CYRIB: variants seen among roughly 807,000 people sequenced by gnomAD.
The protein encoded by CYRIB is CYFIP-related Rac1 interactor B.
In CYRIB, 8 loss-of-function variants were observed where a neutral mutation model predicts 44.2. The observed-to-expected ratio is 0.18, with a 90% confidence interval of 0.11 to 0.33. The LOEUF is 0.33. Ranked by LOEUF, CYRIB falls within the 10% of genes least tolerant of loss-of-function variation. The pLI, the probability that CYRIB is intolerant of heterozygous loss-of-function variation, is 1.00. For synonymous variants in CYRIB, 131 were observed against 127.2 expected, an observed-to-expected ratio of 1.03 and a Z score of -0.20; for missense variants, 185 against 382.8, an observed-to-expected ratio of 0.48 and a Z score of 4.31.
rs111924456 is a variant in CYRIB, at chr8:129,902,668, G to A, written c.-11+644C>T. On this transcript the variant is annotated intron_variant, in intron 2 of 11. Transcript: ENST00000519824. ...AGCTAGTTTTGAAAAAATATACTCT[G>A]TTTATAACTAAGAAGAACACGGAAA... 6.7e-3 allele frequency among the ~76,000 whole-genome samples: 1,022 copies of A among 152,210 alleles called. 13 individuals are homozygous for A. The highest frequency in any genetic ancestry group is 0.024 in the African/African-American group (977 of 41,542).
intron 1 of CYRIB, among the ~76,000 whole-genome samples, chr8:129,911,724 T>C (rs1449211032): frequency 6.6e-6 from 1 of 152,124 alleles, no homozygotes; most frequent in Non-Finnish European, 1.5e-5. Flanking sequence ...GCAATAATGC[T>C]GTTTTCAATT....
chr8:129,937,214 A>G (rs911907187), intron 1 of CYRIB, among the ~76,000 whole-genome samples: 30 of 152,358 alleles, frequency 2.0e-4, no homozygotes, highest in African/African-American at 5.5e-4. Flanking sequence ...GTGTAGTTAC[A>G]GAAAAGAAGA....
intron 2 of CYRIB, among the ~76,000 whole-genome samples, chr8:129,892,065 AG>A (rs1459943345): frequency 6.6e-6 from 1 of 152,148 alleles, no homozygotes; most frequent in Non-Finnish European, 1.5e-5. Context: ...CTATTACAGG[AG>A]GTAGGAAAAG....
rs1277882278 is a variant in CYRIB, at chr8:129,913,340, T to C, written c.-49-9990A>G. Among the ~76,000 whole-genome samples the C allele has an allele frequency of 4.6e-5, 7 of 152,344 alleles. 1 individual carries two copies. The highest frequency in any genetic ancestry group is 3.3e-4 in the Admixed American group (5 of 15,300). On this transcript the variant is annotated intron_variant, in intron 1 of 11. Coordinates refer to ENST00000519824, the Ensembl canonical transcript of CYRIB. The stretch of plus-strand genomic sequence containing the variant: ...ATAAACCTTGTCTTTCCCCACAGTG[T>C]TGTAATTACAGTAAAAGCTTTTCCA...
At chr8:129,984,804 C>T (rs891274881) in intron 1 of CYRIB, among the ~76,000 whole-genome samples, 5 of 152,086 alleles carry the variant, frequency 3.3e-5, no homozygotes, top group African/African-American at 9.6e-5. Context: ...GAGACAGTTT[C>T]GCTCTTGTTG....
chr8:129,840,221 G>C (rs943031744), exon 12 of CYRIB: 1 of 154,042 alleles, frequency 6.5e-6, no homozygotes, highest in African/African-American at 2.4e-5. Context: ...GGTAGGGTTG[G>C]TTCCTTCTCG....
chr8:129,891,842 A>T (rs562380070), intron 2 of CYRIB, among the ~76,000 whole-genome samples: 1 of 152,156 alleles, frequency 6.6e-6, no homozygotes, highest in Non-Finnish European at 1.5e-5. Flanking sequence ...ATACACTTAG[A>T]CTTCATATTA....
At chr8:129,973,218 G>A (rs2095787031) in intron 1 of CYRIB, among the ~76,000 whole-genome samples, 1 of 152,250 alleles carries the variant, frequency 6.6e-6, no homozygotes, top group South Asian at 2.1e-4. Context: ...GCAGGGGATG[G>A]AAAGTGATGG....
At chr8:129,936,228 C>T (rs541492604) in intron 1 of CYRIB, among the ~76,000 whole-genome samples, 2 of 152,288 alleles carry the variant, frequency 1.3e-5, no homozygotes, top group South Asian at 2.1e-4. Flanking sequence ...CAGTCTTCAA[C>T]GTCTCCCACT....
At chr8:129,894,739 CTTATT>C (rs547607751) in intron 2 of CYRIB, among the ~76,000 whole-genome samples, 10 of 152,124 alleles carry the variant, frequency 6.6e-5, no homozygotes, top group Middle Eastern at 3.4e-3. Flanking sequence ...ATCATAATTT[CTTATT>C]TTATTTTTGC....
At chr8:129,987,343 C>T (rs912520433) in intron 1 of CYRIB, among the ~76,000 whole-genome samples, 6 of 152,080 alleles carry the variant, frequency 3.9e-5, no homozygotes, top group Non-Finnish European at 7.4e-5. Context: ...CAATGTTCTG[C>T]GGGTTAATGA....
intron 1 of CYRIB, among the ~76,000 whole-genome samples, chr8:129,922,245 A>G (rs1296062644): frequency 6.6e-6 from 1 of 152,160 alleles, no homozygotes; most frequent in Non-Finnish European, 1.5e-5. Flanking sequence ...CAAATTACCT[A>G]GTCAGTTTCT....
intron 11 of CYRIB, 74 bp from the exon 14 acceptor site, chr8:129,842,279 C>T: frequency 9.4e-7 from 1 of 1,059,696 alleles, no homozygotes; most frequent in South Asian, 1.3e-5. Context: ...CTAATTATGA[C>T]AGGATGGAGA....
chr8:129,995,852 T>A (rs570421904), intron 1 of CYRIB, among the ~76,000 whole-genome samples: 1 of 152,346 alleles, frequency 6.6e-6, no homozygotes, highest in South Asian at 2.1e-4. Context: ...TAGGAAGGGC[T>A]GCAGGCTACC....
intron 1 of CYRIB, among the ~76,000 whole-genome samples, chr8:129,976,750 C>T (rs562144356): frequency 1.3e-5 from 2 of 152,104 alleles, no homozygotes; most frequent in African/African-American, 4.8e-5. Flanking sequence ...AGAAGCCAAA[C>T]ATTTGTTTGA....
chr8:130,003,745 G>A (rs767911695), intron 1 of CYRIB, among the ~76,000 whole-genome samples: 1 of 152,224 alleles, frequency 6.6e-6, no homozygotes, highest in Non-Finnish European at 1.5e-5. Flanking sequence ...CTAGGGAGAA[G>A]CATTTTCCAA....
At chr8:129,869,086 AAAG>A (rs1380335111) in intron 4 of CYRIB, among the ~76,000 whole-genome samples, 1 of 150,820 alleles carries the variant, frequency 6.6e-6, no homozygotes, top group Non-Finnish European at 1.5e-5. Flanking sequence ...AAAAAAAAAT[AAAG>A]AAGAAAGAAA....
chr8:129,930,383 T>A (rs1263025529), intron 1 of CYRIB, among the ~76,000 whole-genome samples: 4 of 3,548 alleles, frequency 1.1e-3, no homozygotes, highest in South Asian at 0.013. Flanking sequence ...ATATATATTT[T>A]AATTATTTAA....
At chr8:130,006,618 G>GTATATATATATACATATATATGTGTA (rs1233739743) in intron 1 of CYRIB, among the ~76,000 whole-genome samples, 1 of 1,404 alleles carries the variant, frequency 7.1e-4, no homozygotes. Context: ...ATATATATGT[G>GTATATATATATACATATATATGTGTA]TATATATATA....
Sources: gnomAD v4.1 joint callset for allele counts (sites outside exome capture counted in the v4.1 genomes callset) on GRCh38, gnomAD v4.1.1 for gene constraint, MANE v1.5 for transcripts, NCBI Gene and HGNC (gene_info 2026-07-23, HGNC 2026-07-21) for gene names.